The following GABRA2 variants were observed in gnomAD, a reference collection of about 807,000 sequenced individuals.
The protein encoded by GABRA2 is gamma-aminobutyric acid receptor subunit alpha-2.
In GABRA2, 16 loss-of-function variants were observed where a neutral mutation model predicts 48.7. The observed-to-expected ratio is 0.33, with a 90% confidence interval of 0.22 to 0.50. The LOEUF (loss-of-function observed/expected upper bound fraction) is 0.50. Ranked by LOEUF, GABRA2 falls within the 20% of genes least tolerant of loss-of-function variation. GABRA2 has a pLI of 0.98. For missense variants in GABRA2, 275 were observed against 535.6 expected (o/e 0.51, Z 4.80); for synonymous variants, 185 against 184.5 (o/e 1.00, Z -0.02).
chr4:46,308,335 A>T (rs545653864), intron 6 of GABRA2, among the ~76,000 whole-genome samples: 1 of 152,178 alleles, frequency 6.6e-6, no homozygotes, highest in African/African-American at 2.4e-5. Context: ...GCTTCTTTTG[A>T]TTGAGGACAC....
At chr4:46,268,631 G>T (rs908335706) in intron 8 of GABRA2, among the ~76,000 whole-genome samples, 2 of 151,832 alleles carry the variant, frequency 1.3e-5, no homozygotes, top group Non-Finnish European at 2.9e-5. Flanking sequence ...CAGTATGGGA[G>T]TTTTTCAAAA....
At chr4:46,347,105 A>G (rs778031688) in intron 3 of GABRA2, among the ~76,000 whole-genome samples, 36 of 151,996 alleles carry the variant, frequency 2.4e-4, no homozygotes, top group Non-Finnish European at 4.6e-4. Context: ...ACACATATAA[A>G]TGAAAAGATA....
At chr4:46,323,039 G>A (rs1420436431) in intron 4 of GABRA2, among the ~76,000 whole-genome samples, 1 of 151,294 alleles carries the variant, frequency 6.6e-6, no homozygotes, top group Non-Finnish European at 1.5e-5. Context: ...TTTAAATATT[G>A]TTGTCTTTTA....
At chr4:46,366,343 T>A (rs1462241708) in intron 3 of GABRA2, 3 of 152,084 alleles carry the variant, frequency 2.0e-5, no homozygotes, top group African/African-American at 7.2e-5. Context: ...AATAAAAGAA[T>A]GAAACTGCGC....
intron 8 of GABRA2, among the ~76,000 whole-genome samples, chr4:46,293,975 T>C (rs372283089): frequency 2.4e-4 from 37 of 152,324 alleles, no homozygotes; most frequent in African/African-American, 8.9e-4. Flanking sequence ...CTTGAACAAA[T>C]TAACACATCT....
chr4:46,383,491 A>G (rs1278248190), intron 3 of GABRA2, among the ~76,000 whole-genome samples: 1 of 152,220 alleles, frequency 6.6e-6, no homozygotes, highest in East Asian at 1.9e-4. Flanking sequence ...TATGACCACA[A>G]TATGCAAATC....
intron 8 of GABRA2, among the ~76,000 whole-genome samples, chr4:46,289,006 T>C (rs964606807): frequency 1.3e-5 from 2 of 152,094 alleles, no homozygotes; most frequent in Non-Finnish European, 2.9e-5. Flanking sequence ...CACAATGAGA[T>C]ACCATCTGAT....
intron 4 of GABRA2, among the ~76,000 whole-genome samples, chr4:46,328,024 T>C (rs1730679924): frequency 1.3e-5 from 2 of 151,904 alleles, no homozygotes; most frequent in African/African-American, 4.8e-5. Flanking sequence ...AAAGACATCC[T>C]ATATAGAAAC....
intron 9 of GABRA2, chr4:46,261,631 G>T (rs1306205833): frequency 4.2e-6 from 2 of 476,632 alleles, no homozygotes; most frequent in East Asian, 6.3e-5. Flanking sequence ...GAATAAGAAG[G>T]CAGTCTAGTC....
At chr4:46,373,050 A>G (rs553974624) in intron 3 of GABRA2, among the ~76,000 whole-genome samples, 20 of 152,312 alleles carry the variant, frequency 1.3e-4, no homozygotes, top group African/African-American at 3.8e-4. Flanking sequence ...GCCCCCTGGA[A>G]CTGGTGGCAA....
intron 4 of GABRA2, among the ~76,000 whole-genome samples, chr4:46,317,487 A>G (rs942279110): frequency 6.6e-6 from 1 of 151,856 alleles, no homozygotes; most frequent in Non-Finnish European, 1.5e-5. Flanking sequence ...CATGTTTATA[A>G]GGCATTCTAT....
chr4:46,262,964 G>A (rs972540620), intron 8 of GABRA2, among the ~76,000 whole-genome samples: 2 of 141,646 alleles, frequency 1.4e-5, no homozygotes, highest in African/African-American at 5.3e-5. Context: ...GAAAGAGAGA[G>A]AGAGAGAGAG....
chr4:46,311,152 G>T (rs115319140), intron 5 of GABRA2, among the ~76,000 whole-genome samples: 447 of 152,222 alleles, frequency 2.9e-3, no homozygotes, highest in African/African-American at 0.01. Flanking sequence ...TAATAGAAAT[G>T]ATCAATGTAC....
intron 8 of GABRA2, among the ~76,000 whole-genome samples, chr4:46,278,945 T>C (rs937639937): frequency 1.3e-5 from 2 of 151,838 alleles, no homozygotes; most frequent in African/African-American, 4.8e-5. Flanking sequence ...GGCAGATATA[T>C]TGATAACATA....
intron 4 of GABRA2, among the ~76,000 whole-genome samples, chr4:46,317,340 T>C (rs1728714198): frequency 1.3e-5 from 2 of 151,800 alleles, no homozygotes; most frequent in Admixed American, 6.6e-5. Flanking sequence ...AGTGTGTGTA[T>C]CCATTTGGGT....
chr4:46,382,790 C>A (rs150845306), intron 3 of GABRA2, among the ~76,000 whole-genome samples: 1,522 of 152,150 alleles, frequency 0.01, 33 homozygotes, highest in African/African-American at 0.035. Context: ...AATGATAGAG[C>A]CAGGTGAAAA....
intron 8 of GABRA2, among the ~76,000 whole-genome samples, chr4:46,276,615 A>G (rs1720560470): frequency 6.6e-6 from 1 of 151,864 alleles, no homozygotes; most frequent in African/African-American, 2.4e-5. Context: ...AAAAAAAAAA[A>G]AGAGCGTAGT....
At position 46,307,090 on chromosome 4, in the gene GABRA2, T is replaced by C. The variant is rs951642018; in HGVS notation, c.560-1379A>G. Among the ~76,000 whole-genome samples the C allele has an allele frequency of 2.3e-4, 35 of 152,104 alleles. 1 individual carries two copies. The highest frequency in any genetic ancestry group is 3.2e-3 in the Middle Eastern group (1 of 316). On this transcript the variant is annotated intron_variant, in intron 6 of 9. Coordinates refer to ENST00000381620, the MANE Select transcript of GABRA2 (RefSeq NM_000807.4). ...TGAAATAGGATTCTAAAAATGTATA[T>C]GTATATTTATATATATGTATATACT...
At chr4:46,383,788 A>G (rs939767553) in intron 3 of GABRA2, among the ~76,000 whole-genome samples, 1 of 152,180 alleles carries the variant, frequency 6.6e-6, no homozygotes, top group African/African-American at 2.4e-5. Flanking sequence ...GGATGAGGAA[A>G]AAATGATTCC....
Sources: allele counts gnomAD v4.1 joint callset (sites outside exome capture counted in the v4.1 genomes callset), GRCh38; gene constraint gnomAD v4.1.1; transcripts MANE v1.5; gene names NCBI Gene and HGNC (gene_info 2026-07-23, HGNC 2026-07-21).